SLC7A8: variants seen among roughly 807,000 people sequenced by gnomAD.
SLC7A8 encodes solute carrier family 7 member 8.
A neutral mutation model predicts 51.2 loss-of-function variants in SLC7A8; 30 were observed. That is an observed-to-expected ratio of 0.59 (90% confidence interval 0.44 to 0.80). The LOEUF (loss-of-function observed/expected upper bound fraction) is 0.80, where lower values mean the gene tolerates loss of function less well. Ranked by LOEUF, SLC7A8 falls within the 30% of genes least tolerant of loss-of-function variation. The pLI, the probability that SLC7A8 is intolerant of heterozygous loss-of-function variation, is 0.00. For synonymous variants in SLC7A8, 257 were observed against 275.8 expected (o/e 0.93, Z 0.67); for missense variants, 612 against 674.4 (o/e 0.91, Z 1.03).
In SLC7A8 at chr14:23,183,135, G is replaced by T; in HGVS notation, c.-221C>A. 2 of 26,828 alleles carry T rather than the reference G, an allele frequency of 7.5e-5. No individual in the cohort carries two copies. Among genetic ancestry groups the T allele is most frequent in the Admixed American group, 7.9e-4 (1 of 1,258 alleles). 1.7% of individuals were successfully genotyped at this position (26,828 alleles called of 1,614,324 possible). ...CGCGTTTACAAACAAGAAAAGTGTTGCTAAAAAAAAAAAAAAAAAAAAAGG... is the reference window on the plus strand; with the variant it reads ...CGCGTTTACAAACAAGAAAAGTGTTTCTAAAAAAAAAAAAAAAAAAAAAGG... On this transcript the variant is annotated 5_prime_UTR_variant, in exon 1 of 11. Transcript: ENST00000316902.
In SLC7A8 at chr14:23,142,171, C is replaced by T. The variant is rs1457233893; in HGVS notation, c.634+908G>A. Reference sequence around the variant, plus strand: ...GGAGTAGAAGTCCGGGCTGCCCACACTGCCTTCAGGGCTTGTGGGAAATTT... The same window carrying T: ...GGAGTAGAAGTCCGGGCTGCCCACATTGCCTTCAGGGCTTGTGGGAAATTT... On this transcript the variant is annotated intron_variant, in intron 4 of 10. Transcript: ENST00000316902. Among the ~76,000 whole-genome samples the T allele has an allele frequency of 6.6e-5, 10 of 152,240 alleles. No individual in the cohort carries two copies. The South Asian group carries it at 1.9e-3, about 28-fold the overall frequency.
At position 23,140,456 on chromosome 14, in the gene SLC7A8, G is replaced by A; in HGVS notation, c.788+15C>T. ...CCTTCAAGGGAGAGGGAATAGCCAGGCTCTTTCAACTCACTTGTAGGGATC... is the reference window on the plus strand; with the variant it reads ...CCTTCAAGGGAGAGGGAATAGCCAGACTCTTTCAACTCACTTGTAGGGATC... On this transcript the variant is annotated intron_variant, in intron 5 of 10. Coordinates refer to ENST00000316902, the MANE Select transcript of SLC7A8 (RefSeq NM_012244.4). The A allele has an allele frequency of 6.3e-7, 1 of 1,589,422 alleles. No homozygotes were observed.
At chr14:23,161,854 G>A (rs556550537) in intron 3 of SLC7A8, among the ~76,000 whole-genome samples, 30 of 151,164 alleles carry the variant, frequency 2.0e-4, no homozygotes, top group African/African-American at 6.3e-4. Flanking sequence ...TTGAACCCGG[G>A]AGGCGGAGGT....
intron 6 of SLC7A8, among the ~76,000 whole-genome samples, chr14:23,138,743 C>T (rs34986192): frequency 0.034 from 5,237 of 152,318 alleles, 124 homozygotes; most frequent in Middle Eastern, 0.11. Flanking sequence ...GCCAGGTTTA[C>T]AGCACATTAC....
At chr14:23,161,738 AC>A (rs2048923999) in intron 3 of SLC7A8, among the ~76,000 whole-genome samples, 1 of 152,044 alleles carries the variant, frequency 6.6e-6, no homozygotes, top group Admixed American at 6.6e-5. Context: ...GACCAGTCTG[AC>A]CAACTTGGGG....
At chr14:23,162,741 A>G (rs2048930418) in intron 3 of SLC7A8, among the ~76,000 whole-genome samples, 2 of 152,174 alleles carry the variant, frequency 1.3e-5, no homozygotes, top group South Asian at 4.1e-4. Context: ...AGGCTACACT[A>G]CTTTGGAGGG....
Position 23,128,011 on chromosome 14 carries a change from C to A in SLC7A8, c.1441+8G>T. 1 of 1,611,780 alleles carries A rather than the reference C, an allele frequency of 6.2e-7. No individual in the cohort carries two copies. Among genetic ancestry groups the A allele is most frequent in the Non-Finnish European group, 8.5e-7 (1 of 1,178,380 alleles). ...CCCTGAAGCCAGCCAGAGCCTCCAACAACTCACCAATGAAGTCACTGAAAC... is the reference window on the plus strand; with the variant it reads ...CCCTGAAGCCAGCCAGAGCCTCCAAAAACTCACCAATGAAGTCACTGAAAC... On this transcript the variant is annotated splice_region_variant and intron_variant, in intron 10 of 10. Transcript: ENST00000316902. The surrounding 1 kb of genome is among the most constrained non-coding windows in gnomAD (Gnocchi z 4.3).
At position 23,125,707 on chromosome 14, in the gene SLC7A8, G is replaced by C. The variant is rs1421049914; in HGVS notation, c.*1470C>G. 2 of 152,680 alleles carry C rather than the reference G, an allele frequency of 1.3e-5. No homozygotes were observed. The highest frequency in any genetic ancestry group is 2.9e-5 in the Non-Finnish European group (2 of 68,104). 9.5% of individuals were successfully genotyped at this position (152,680 alleles called of 1,614,324 possible). A position where few individuals can be genotyped will look rare whatever the true frequency, so the allele number is the denominator to read the frequency against. On this transcript the variant is annotated 3_prime_UTR_variant, in exon 11 of 11. Transcript: ENST00000316902. The stretch of plus-strand genomic sequence containing the variant: ...GGAGACACCATCCAGGCCAGGAAGG[G>C]CTCCTGTGTATTCCAGTTTAAGCAG...
intron 7 of SLC7A8, among the ~76,000 whole-genome samples, chr14:23,134,411 T>C (rs1249247280): frequency 9.2e-6 from 1 of 108,974 alleles, no homozygotes. Context: ...CACTCCAGCC[T>C]GGGTGACAAA....
chr14:23,178,026 A>C (rs1263948035), intron 1 of SLC7A8, among the ~76,000 whole-genome samples: 1 of 152,232 alleles, frequency 6.6e-6, no homozygotes, highest in African/African-American at 2.4e-5. Flanking sequence ...TTTGAATCCT[A>C]GCTCCAATAT....
At chr14:23,174,186 C>T (rs2048988534) in intron 1 of SLC7A8, among the ~76,000 whole-genome samples, 1 of 152,246 alleles carries the variant, frequency 6.6e-6, no homozygotes, top group African/African-American at 2.4e-5. Flanking sequence ...CTTAAGTCAA[C>T]CTGACCTGTC....
chr14:23,129,722 G>A lies in SLC7A8; in HGVS notation c.1191C>T (p.Leu397=), dbSNP rs1437146750. The A allele has an allele frequency of 1.9e-6, 3 of 1,614,226 alleles. No individual in the cohort carries two copies. Among genetic ancestry groups the A allele is most frequent in the Non-Finnish European group, 2.5e-6 (3 of 1,180,032 alleles). The change falls in exon 9 of 11, where the codon CTC becomes CTT. Residue 397 remains leucine, a synonymous_variant. Coordinates refer to ENST00000316902, the MANE Select transcript of SLC7A8 (RefSeq NM_012244.4). ...GTCCAGCAACCGTGACCCCATAGAA[G>A]AGGTAGTTGATGAAGCCCACATAGT... ...LINYVGFINY[L]FYGVTVAGQI... is the part of the protein sequence containing the mutation.
chr14:23,145,339 T>C (rs922798853), intron 3 of SLC7A8, among the ~76,000 whole-genome samples: 2 of 151,106 alleles, frequency 1.3e-5, no homozygotes, highest in African/African-American at 2.4e-5. Context: ...CCAGTCTGGC[T>C]AACACAGTGA....
intron 1 of SLC7A8, among the ~76,000 whole-genome samples, chr14:23,168,988 A>G (rs553531566): frequency 6.6e-6 from 1 of 152,288 alleles, no homozygotes; most frequent in African/African-American, 2.4e-5. Flanking sequence ...CGGCATTGGA[A>G]TAAGAGTCCT....
chr14:23,144,870 C>T (rs1168252439), intron 3 of SLC7A8, among the ~76,000 whole-genome samples: 1 of 151,894 alleles, frequency 6.6e-6, no homozygotes, highest in Non-Finnish European at 1.5e-5. Context: ...TTCCTTCTCT[C>T]TAGAACAATC....
chr14:23,169,221 G>A (rs764515966), intron 1 of SLC7A8, among the ~76,000 whole-genome samples: 3 of 152,046 alleles, frequency 2.0e-5, no homozygotes, highest in East Asian at 1.9e-4. Flanking sequence ...AGCCAGACAT[G>A]GTGGCATGCG....
chr14:23,145,211 G>A (rs975124534), intron 3 of SLC7A8, among the ~76,000 whole-genome samples: 9 of 150,640 alleles, frequency 6.0e-5, no homozygotes, highest in Admixed American at 3.3e-4. Context: ...CCGCCCGGCC[G>A]GGATGCATTT....
At chr14:23,127,464 CG>C in intron 10 of SLC7A8, 121 bp from the exon 11 acceptor site, 1 of 1,175,274 alleles carries the variant, frequency 8.5e-7, no homozygotes, top group Non-Finnish European at 1.2e-6. Context: ...GCAGTCAGTG[CG>C]TTGAAGAGAA....
chr14:23,132,877 C>T (rs1374241516), intron 7 of SLC7A8, among the ~76,000 whole-genome samples: 3 of 152,024 alleles, frequency 2.0e-5, no homozygotes, highest in Non-Finnish European at 4.4e-5. Context: ...CTCAGGTGAT[C>T]TGCCCGCCTC....
Sources: gnomAD v4.1 joint callset for allele counts (sites outside exome capture counted in the v4.1 genomes callset) on GRCh38, gnomAD v4.1.1 for gene constraint, Gnocchi (gnomAD v3.1) non-coding constraint, MANE v1.5 for transcripts, NCBI Gene and HGNC (gene_info 2026-07-23, HGNC 2026-07-21) for gene names.